ADAM10: variants seen among roughly 807,000 people sequenced by gnomAD.
ADAM10 encodes ADAM metallopeptidase domain 10.
Under a neutral mutation model 90.1 loss-of-function variants are expected in ADAM10, and 17 were observed. The observed-to-expected ratio is 0.19, with a 90% CI of 0.13 to 0.28. ADAM10 has a LOEUF of 0.28. Ranked by LOEUF, ADAM10 falls within the 10% of genes least tolerant of loss-of-function variation. ADAM10 has a pLI of 1.00. For missense variants in ADAM10, 610 were observed against 914.3 expected, an observed-to-expected ratio of 0.67 and a Z score of 4.29; for synonymous variants, 310 against 298.6, an observed-to-expected ratio of 1.04 and a Z score of -0.40.
intron 5 of ADAM10, among the ~76,000 whole-genome samples, chr15:58,653,228 C>T (rs1896731197): frequency 6.6e-6 from 1 of 152,110 alleles, no homozygotes; most frequent in East Asian, 1.9e-4. Context: ...TCTCTGATTG[C>T]TCTAGCTAGG....
intron 5 of ADAM10, among the ~76,000 whole-genome samples, chr15:58,660,886 G>A (rs559696705): frequency 3.3e-4 from 51 of 152,254 alleles, no homozygotes; most frequent in African/African-American, 1.2e-3. Flanking sequence ...CCACTATAAT[G>A]TAAAAGCAGC....
chr15:58,602,080 A>G lies in ADAM10; in HGVS notation c.2026-2356T>C, dbSNP rs116930987. ...GTAGGGACCTAATTTGGAAGTATGT[A>G]AATATCCTGTTCTTCATCAAACTTT... On this transcript the variant is annotated intron_variant, in intron 14 of 15. Coordinates refer to ENST00000260408, the MANE Select transcript of ADAM10 (RefSeq NM_001110.4). Among the ~76,000 whole-genome samples, 542 of 152,312 alleles carry G rather than the reference A, an allele frequency of 3.6e-3. 1 individual carries two copies. Among genetic ancestry groups the G allele is most frequent in the Non-Finnish European group, 6.0e-3 (407 of 68,028 alleles).
intron 1 of ADAM10, chr15:58,748,104 TATA>T (rs1307816515): frequency 1.3e-5 from 2 of 152,204 alleles, no homozygotes; most frequent in African/African-American, 4.8e-5. Flanking sequence ...GCTCTTAATC[TATA>T]ATGTGTGTCT....
At chr15:58,679,356 AT>A in intron 3 of ADAM10, 74 bp from the exon 4 acceptor site, 3 of 1,255,840 alleles carry the variant, frequency 2.4e-6, no homozygotes, top group Non-Finnish European at 3.5e-6. Context: ...ATATATGTAT[AT>A]ATGTGTGTAT....
chr15:58,632,992 C>T (rs191073516), intron 9 of ADAM10, among the ~76,000 whole-genome samples: 2 of 152,306 alleles, frequency 1.3e-5, no homozygotes, highest in African/African-American at 4.8e-5. Context: ...AGAATTCTAG[C>T]ACTGTTATGC....
Position 58,595,912 on chromosome 15 carries a change from TGG to T in ADAM10, c.*1633_*1634del, listed in dbSNP as rs1378077197. The T allele has an allele frequency of 6.6e-6, 1 of 152,150 alleles. No homozygotes were observed. The highest frequency in any genetic ancestry group is 1.5e-5 in the Non-Finnish European group (1 of 67,990). 9.4% of individuals were successfully genotyped at this position (152,150 alleles called of 1,614,324 possible). On this transcript the variant is annotated 3_prime_UTR_variant, in exon 16 of 16. Transcript: ENST00000260408. Reference sequence around the variant, plus strand: ...TGTTTAGAATTATTTATAGTCTATCTGGGGTTTCATGTACAAAATTTGTCTCT... The same window carrying T: ...TGTTTAGAATTATTTATAGTCTATCTGGTTTCATGTACAAAATTTGTCTCT...
intron 6 of ADAM10, among the ~76,000 whole-genome samples, chr15:58,644,465 G>A (rs567063513): frequency 1.6e-4 from 24 of 152,200 alleles, no homozygotes; most frequent in African/African-American, 5.8e-4. Context: ...CTGACCTCAA[G>A]TGACCCACCC....
intron 5 of ADAM10, among the ~76,000 whole-genome samples, chr15:58,650,194 T>G (rs1204509002): frequency 2.0e-5 from 3 of 152,224 alleles, no homozygotes; most frequent in Admixed American, 6.5e-5. Context: ...CCTTTGTCAG[T>G]TGACTCTCTT....
At chr15:58,743,629 A>G (rs1899685605) in intron 1 of ADAM10, among the ~76,000 whole-genome samples, 8 of 149,280 alleles carry the variant, frequency 5.4e-5, no homozygotes, top group Admixed American at 4.0e-4. Context: ...TTTGAGACGG[A>G]GTTTCACTCT....
chr15:58,721,790 G>A (rs533571481), intron 1 of ADAM10, among the ~76,000 whole-genome samples: 7 of 152,314 alleles, frequency 4.6e-5, no homozygotes, highest in African/African-American at 1.2e-4. Context: ...CACTTTGGGA[G>A]GCTGAGGGGG....
chr15:58,671,844 T>C (rs1010669535), intron 4 of ADAM10, among the ~76,000 whole-genome samples: 2 of 152,182 alleles, frequency 1.3e-5, no homozygotes, highest in African/African-American at 2.4e-5. Flanking sequence ...ATTGTCTCTA[T>C]TGTCATTAAG....
chr15:58,638,231 G>T (rs1393216528), intron 8 of ADAM10, among the ~76,000 whole-genome samples: 4 of 151,748 alleles, frequency 2.6e-5, no homozygotes, highest in South Asian at 2.1e-4. Context: ...AATATAAAAG[G>T]AAAAAAAGCA....
chr15:58,632,756 A>G (rs887026599), intron 9 of ADAM10, among the ~76,000 whole-genome samples: 1 of 152,264 alleles, frequency 6.6e-6, no homozygotes, highest in East Asian at 1.9e-4. Flanking sequence ...CACAGTAGAG[A>G]AAAGATTTTA....
chr15:58,660,199 AT>A (rs1393109209), intron 5 of ADAM10, among the ~76,000 whole-genome samples: 2 of 149,652 alleles, frequency 1.3e-5, no homozygotes, highest in African/African-American at 2.5e-5. Context: ...TTTTCTTTTT[AT>A]TTTTTTTTAA....
At chr15:58,653,619 T>A (rs568263128) in intron 5 of ADAM10, among the ~76,000 whole-genome samples, 1 of 152,186 alleles carries the variant, frequency 6.6e-6, no homozygotes, top group Non-Finnish European at 1.5e-5. Context: ...AGTTTGCTAG[T>A]ATTTTGTTGA....
At chr15:58,686,721 T>C (rs1189228349) in intron 2 of ADAM10, 2 of 629,156 alleles carry the variant, frequency 3.2e-6, no homozygotes, top group Non-Finnish European at 5.7e-6. Flanking sequence ...TTTAGAGATA[T>C]TTCAGCCCTT....
chr15:58,651,589 CTAATTCTGTTTTATGGCTA>C (rs1896688592), intron 5 of ADAM10, among the ~76,000 whole-genome samples: 1 of 152,172 alleles, frequency 6.6e-6, no homozygotes, highest in Non-Finnish European at 1.5e-5. Context: ...ATTACAGAAT[CTAATTCTGTTTTATGGCTA>C]AATAGTATTC....
At chr15:58,733,735 T>C (rs1374177593) in intron 1 of ADAM10, among the ~76,000 whole-genome samples, 1 of 152,136 alleles carries the variant, frequency 6.6e-6, no homozygotes, top group Admixed American at 6.5e-5. Context: ...TTTCTTGGCC[T>C]TTTATTGGTT....
At chr15:58,684,601 T>C (rs967327037) in intron 2 of ADAM10, among the ~76,000 whole-genome samples, 8 of 152,204 alleles carry the variant, frequency 5.3e-5, no homozygotes, top group African/African-American at 1.9e-4. Flanking sequence ...GCACAGAAAC[T>C]CTGTGCTGCC....
Sources: allele counts gnomAD v4.1 joint callset (sites outside exome capture counted in the v4.1 genomes callset), GRCh38; gene constraint gnomAD v4.1.1; transcripts MANE v1.5; gene names NCBI Gene and HGNC (gene_info 2026-07-23, HGNC 2026-07-21).